Variants in SLFN12L observed in about 807,000 individuals in gnomAD.
SLFN12L encodes the protein schlafen family member 12 like.
SLFN12L carries 34 observed loss-of-function variants against 34.8 expected under a neutral mutation model. The observed-to-expected ratio is 0.98, with a 90% CI of 0.74 to 1.30. SLFN12L has a LOEUF of 1.30. Among genes scored for constraint, SLFN12L ranks in the 50% most tolerant of loss-of-function variants. The pLI is 0.00. For synonymous variants in SLFN12L, 259 were observed against 247.5 expected, an observed-to-expected ratio of 1.05 and a Z score of -0.44; for missense variants, 703 against 696.2, an observed-to-expected ratio of 1.01 and a Z score of -0.11.
chr17:35,511,207 A>T (rs1390747524), intron 2 of SLFN12L, among the ~76,000 whole-genome samples: 1 of 152,192 alleles, frequency 6.6e-6, no homozygotes, highest in Non-Finnish European at 1.5e-5. Flanking sequence ...TAAACAATTA[A>T]GATTGAAGCG....
rs1354698006 is a variant in SLFN12L at position 35,471,585 on chromosome 17, C to T, written c.*3338G>A. Among the ~76,000 whole-genome samples the T allele has an allele frequency of 6.6e-6, 1 of 152,204 alleles. No homozygotes were observed. Among genetic ancestry groups the T allele is most frequent in the East Asian group, 1.9e-4 (1 of 5,206 alleles). On this transcript the variant is annotated 3_prime_UTR_variant, in exon 5 of 5. Transcript: ENST00000628453. ...ATGGTTGAACTAATTTACATTCCCA[C>T]CAACAGTGTAAAAGCATTCCTATTT...
Position 35,480,141 on chromosome 17 carries a change from AATACTG to A in SLFN12L, c.135_140del (p.Ser46_Ile47del). On this transcript the variant is annotated inframe_deletion, in exon 3 of 5. Transcript: ENST00000628453. The stretch of plus-strand genomic sequence containing the variant: ...GCTCAGCATAGTTTGTGTCTAAATC[AATACTG>A]ATGTTCATTTTCCCAGCAGCTAAGC... 6.2e-7 allele frequency: 1 copy of A among 1,607,722 alleles called. No individual in the cohort carries two copies. The highest frequency in any genetic ancestry group is 8.5e-7 in the Non-Finnish European group (1 of 1,177,494).
At chr17:35,497,433 A>T (rs1200524075) in intron 2 of SLFN12L, among the ~76,000 whole-genome samples, 2 of 151,908 alleles carry the variant, frequency 1.3e-5, no homozygotes, top group Non-Finnish European at 2.9e-5. Flanking sequence ...ATAAAAAATA[A>T]TTTTTTAAAA....
chr17:35,488,174 G>A (rs940427198), intron 2 of SLFN12L, among the ~76,000 whole-genome samples: 3 of 152,108 alleles, frequency 2.0e-5, no homozygotes, highest in Non-Finnish European at 4.4e-5. Context: ...GTGCCACTAC[G>A]CTCCAGCCTG....
chr17:35,487,176 A>G (rs559760608), intron 2 of SLFN12L, among the ~76,000 whole-genome samples: 1 of 152,362 alleles, frequency 6.6e-6, no homozygotes, highest in East Asian at 1.9e-4. Context: ...GCCTGTCCAT[A>G]CAGCACTCCC....
rs975466008 is a variant in SLFN12L at position 35,471,429 on chromosome 17, G to A, written c.*3494C>T. Among the ~76,000 whole-genome samples the A allele has an allele frequency of 9.9e-5, 15 of 152,214 alleles. No homozygotes were observed. In the South Asian group the frequency reaches 1.5e-3, roughly 15 times the overall value. The stretch of plus-strand genomic sequence containing the variant: ...TGGGATTACAGGCATGAGCCACCGC[G>A]CCACGCCTGCATGTATCTTTATAGT... On this transcript the variant is annotated 3_prime_UTR_variant, in exon 5 of 5. Coordinates refer to ENST00000628453, the MANE Select transcript of SLFN12L (RefSeq NM_001363830.2).
At chr17:35,526,804 G>A (rs781018191) in intron 1 of SLFN12L, among the ~76,000 whole-genome samples, 8 of 152,054 alleles carry the variant, frequency 5.3e-5, no homozygotes, top group Middle Eastern at 3.4e-3. Context: ...AAGAACTAGA[G>A]AAGCGACAGC....
chr17:35,475,957 A>ATC (rs2142124667), intron 4 of SLFN12L, among the ~76,000 whole-genome samples: 1 of 149,142 alleles, frequency 6.7e-6, no homozygotes, highest in African/African-American at 2.4e-5. Flanking sequence ...ATATATATAT[A>ATC]TCATAAAACT....
At position 35,479,587 on chromosome 17, in the gene SLFN12L, AGTTCT is replaced by A. The variant is rs773840259; in HGVS notation, c.690_694del (p.Glu231TrpfsTer3). 2 of 1,613,054 alleles carry A rather than the reference AGTTCT, an allele frequency of 1.2e-6. No individual in the cohort carries two copies. The highest frequency in any genetic ancestry group is 1.7e-6 in the Non-Finnish European group (2 of 1,179,684). ...AAAGGTCAATTTTTCTTTATAACCA[AGTTCT>A]GTTCTGTTAAAAAAATCAGCAGCCA... On this transcript the variant is annotated frameshift_variant, in exon 3 of 5. Coordinates refer to ENST00000628453, the MANE Select transcript of SLFN12L (RefSeq NM_001363830.2). LOFTEE classifies it high-confidence loss of function.
At chr17:35,500,826 T>C (rs1597859009) in intron 2 of SLFN12L, among the ~76,000 whole-genome samples, 1 of 152,198 alleles carries the variant, frequency 6.6e-6, no homozygotes, top group Non-Finnish European at 1.5e-5. Context: ...CCCTGTGCTG[T>C]TGTGCTCCAT....
chr17:35,474,883 A>G lies in SLFN12L; in HGVS notation c.*40T>C, dbSNP rs1358508074. The G allele has an allele frequency of 1.3e-6, 2 of 1,492,698 alleles. No individual in the cohort carries two copies. Among genetic ancestry groups the G allele is most frequent in the South Asian group, 2.7e-5 (2 of 72,860 alleles). 92.5% of individuals were successfully genotyped at this position (1,492,698 alleles called of 1,614,324 possible). A position where few individuals can be genotyped will look rare whatever the true frequency, so the allele number is the denominator to read the frequency against. Reference sequence around the variant, plus strand: ...GAGGCAGAGGTTGCAGTGAGTCGAGATCGTGTCACTACACTCCAGTCTGGG... The same window carrying G: ...GAGGCAGAGGTTGCAGTGAGTCGAGGTCGTGTCACTACACTCCAGTCTGGG... On this transcript the variant is annotated 3_prime_UTR_variant, in exon 5 of 5. Transcript: ENST00000628453.
Position 35,469,323 on chromosome 17 carries a change from T to A in SLFN12L, c.*5600A>T, listed in dbSNP as rs1429645265. ...ATATAAAATATATATATATTATATA[T>A]ATAAATATATATATAATATATATAT... On this transcript the variant is annotated 3_prime_UTR_variant, in exon 5 of 5. Coordinates refer to ENST00000628453, the MANE Select transcript of SLFN12L (RefSeq NM_001363830.2). Among the ~76,000 whole-genome samples the A allele has an allele frequency of 5.9e-5, 6 of 101,840 alleles. No individual in the cohort carries two copies. The highest frequency in any genetic ancestry group is 1.9e-4 in the African/African-American group (5 of 26,052). The allele number at this position is 101,840 out of a possible 152,430, so 66.8% of individuals were successfully genotyped here. A position where few individuals can be genotyped will look rare whatever the true frequency, so the allele number is the denominator to read the frequency against.
rs137970354 is a variant in SLFN12L, at chr17:35,490,533, C to T, written c.87-10338G>A. 242 of 868,612 alleles carry T rather than the reference C, an allele frequency of 2.8e-4. 3 individuals are homozygous for T. In the African/African-American group the frequency reaches 3.2e-3, roughly 11 times the overall value. The allele number at this position is 868,612 out of a possible 1,614,324, so 53.8% of individuals were successfully genotyped here. A position where few individuals can be genotyped will look rare whatever the true frequency, so the allele number is the denominator to read the frequency against. ...TCATTAAGAAGAAGTCTAAAAATAA[C>T]GTCCAGTGGATGGGTTGCAGTCTGT... On this transcript the variant is annotated intron_variant, in intron 2 of 4. Coordinates refer to ENST00000628453, the MANE Select transcript of SLFN12L (RefSeq NM_001363830.2).
intron 1 of SLFN12L, among the ~76,000 whole-genome samples, chr17:35,526,309 A>G (rs111459371): frequency 0.019 from 2,844 of 152,304 alleles, 35 homozygotes; most frequent in Middle Eastern, 0.071. Flanking sequence ...CGAGACAGAA[A>G]ATTAACAAGG....
intron 1 of SLFN12L, among the ~76,000 whole-genome samples, chr17:35,535,023 A>G (rs1186762598): frequency 2.6e-5 from 4 of 152,172 alleles, no homozygotes; most frequent in Non-Finnish European, 4.4e-5. Flanking sequence ...AACTTTACAT[A>G]CATTATCTCA....
In SLFN12L at chr17:35,469,407, T is replaced by C. The variant is rs1001458101; in HGVS notation, c.*5516A>G. 6.7e-6 allele frequency among the ~76,000 whole-genome samples: 1 copy of C among 149,228 alleles called. No individual in the cohort carries two copies. Among genetic ancestry groups the C allele is most frequent in the Non-Finnish European group, 1.5e-5 (1 of 67,486 alleles). The stretch of plus-strand genomic sequence containing the variant: ...CTCCACCAAGATAATAGTAAAAACC[T>C]CCAAAAATTTCAGATCTACTTTCTT... On this transcript the variant is annotated 3_prime_UTR_variant, in exon 5 of 5. Transcript: ENST00000628453.
chr17:35,466,600 T>G lies in SLFN12L; in HGVS notation c.*8323A>C, dbSNP rs1040803492. Among the ~76,000 whole-genome samples, 3 of 152,240 alleles carry G rather than the reference T, an allele frequency of 2.0e-5. No individual in the cohort carries two copies. The highest frequency in any genetic ancestry group is 7.2e-5 in the African/African-American group (3 of 41,466). On this transcript the variant is annotated 3_prime_UTR_variant, in exon 5 of 5. Transcript: ENST00000628453. Reference sequence around the variant, plus strand: ...CTTTTTGGGTTTTCATGGCAAAATATTCTTCACTTACAAATTTTACTTAAT... The same window carrying G: ...CTTTTTGGGTTTTCATGGCAAAATAGTCTTCACTTACAAATTTTACTTAAT...
chr17:35,534,259 G>T (rs1383561446), intron 1 of SLFN12L, among the ~76,000 whole-genome samples: 1 of 152,214 alleles, frequency 6.6e-6, no homozygotes, highest in East Asian at 1.9e-4. Context: ...CTACTCGGGA[G>T]GCTGAGGCAG....
chr17:35,511,826 G>A (rs1157033315), intron 2 of SLFN12L, among the ~76,000 whole-genome samples: 1 of 152,138 alleles, frequency 6.6e-6, no homozygotes, highest in African/African-American at 2.4e-5. Flanking sequence ...TGTTTTACAT[G>A]TGCTTTCACT....
Sources: allele counts gnomAD v4.1 joint callset (sites outside exome capture counted in the v4.1 genomes callset), GRCh38; gene constraint gnomAD v4.1.1; transcripts MANE v1.5; gene names NCBI Gene and HGNC (gene_info 2026-07-23, HGNC 2026-07-21).